CRACD: variants seen among roughly 807,000 people sequenced by gnomAD.
The protein encoded by CRACD is capping protein-inhibiting regulator of actin dynamics.
Under a neutral mutation model 106.8 loss-of-function variants are expected in CRACD, and 56 were observed. The observed-to-expected ratio is 0.52, with a 90% CI of 0.42 to 0.66. The LOEUF (loss-of-function observed/expected upper bound fraction) is 0.66, where lower values mean the gene tolerates loss of function less well. Ranked by LOEUF, CRACD falls within the 30% of genes least tolerant of loss-of-function variation. The pLI is 0.00. For missense variants in CRACD, 1,730 were observed against 1,623.2 expected, an observed-to-expected ratio of 1.07 and a Z score of -1.13; for synonymous variants, 754 against 670.8, an observed-to-expected ratio of 1.12 and a Z score of -1.92.
chr4:56,201,679 C>G (rs1577734963), intron 2 of CRACD, among the ~76,000 whole-genome samples: 1 of 152,208 alleles, frequency 6.6e-6, no homozygotes, highest in South Asian at 2.1e-4. Context: ...TCCATGGAAA[C>G]AGTTTTGAAA....
intron 1 of CRACD, among the ~76,000 whole-genome samples, chr4:56,049,551 G>T (rs1049602906): frequency 6.6e-6 from 1 of 152,126 alleles, no homozygotes; most frequent in East Asian, 1.9e-4. Flanking sequence ...GGAACCTGCC[G>T]CCGGGCTGCA....
At chr4:56,309,723 G>A (rs1002928232) in intron 5 of CRACD, among the ~76,000 whole-genome samples, 2 of 151,950 alleles carry the variant, frequency 1.3e-5, no homozygotes, top group Non-Finnish European at 2.9e-5. Flanking sequence ...ATGCGGTGGC[G>A]CATGCCTGTA....
chr4:56,208,941 C>T (rs1473295321), intron 2 of CRACD, among the ~76,000 whole-genome samples: 1 of 152,132 alleles, frequency 6.6e-6, no homozygotes, highest in African/African-American at 2.4e-5. Context: ...AATCTAAAGA[C>T]CTGAGAAAGA....
At chr4:56,192,947 G>T (rs886269748) in intron 2 of CRACD, among the ~76,000 whole-genome samples, 4 of 152,164 alleles carry the variant, frequency 2.6e-5, no homozygotes. Flanking sequence ...TTCCTCCATG[G>T]CAGGGACAGT....
At chr4:56,297,432 A>T (rs1382333462) in intron 3 of CRACD, among the ~76,000 whole-genome samples, 1 of 152,128 alleles carries the variant, frequency 6.6e-6, no homozygotes, top group Admixed American at 6.5e-5. Flanking sequence ...CCCTACAAAA[A>T]ATAATATAAA....
At chr4:56,200,100 CTT>C (rs1459123851) in intron 2 of CRACD, among the ~76,000 whole-genome samples, 2 of 150,656 alleles carry the variant, frequency 1.3e-5, no homozygotes, top group Non-Finnish European at 2.9e-5. Flanking sequence ...ACTGGCTTCT[CTT>C]TGAGCATCCT....
intron 1 of CRACD, among the ~76,000 whole-genome samples, chr4:56,144,779 C>A (rs554353416): frequency 6.6e-6 from 1 of 152,110 alleles, no homozygotes; most frequent in African/African-American, 2.4e-5. Context: ...CTCAGCCCCC[C>A]AGTAGCTGGG....
chr4:56,216,902 C>T (rs1738718122), intron 2 of CRACD, among the ~76,000 whole-genome samples: 1 of 149,466 alleles, frequency 6.7e-6, no homozygotes, highest in African/African-American at 2.5e-5. Flanking sequence ...ATGGCGTGAA[C>T]CCGGGAAGCG....
intron 1 of CRACD, among the ~76,000 whole-genome samples, chr4:56,096,519 C>G (rs987280305): frequency 6.6e-6 from 1 of 152,028 alleles, no homozygotes; most frequent in Non-Finnish European, 1.5e-5. Flanking sequence ...TCAAGACCAG[C>G]CTGGATGACA....
At chr4:56,119,979 A>AT (rs1339929219) in intron 1 of CRACD, among the ~76,000 whole-genome samples, 1 of 152,006 alleles carries the variant, frequency 6.6e-6, no homozygotes, top group Non-Finnish European at 1.5e-5. Flanking sequence ...TTAATCTACT[A>AT]TTTGCACTAC....
intron 1 of CRACD, among the ~76,000 whole-genome samples, chr4:56,084,834 G>T (rs1733160100): frequency 6.6e-6 from 1 of 152,144 alleles, no homozygotes; most frequent in South Asian, 2.1e-4. Context: ...TTACCATTTG[G>T]ATTTTCCTTG....
chr4:56,242,940 G>T (rs1353137965), intron 2 of CRACD, among the ~76,000 whole-genome samples: 40 of 152,208 alleles, frequency 2.6e-4, no homozygotes, highest in Non-Finnish European at 2.9e-5. Flanking sequence ...TTAGAGGGAT[G>T]CACCCCTAGA....
intron 4 of CRACD, chr4:56,301,229 A>G (rs774352159): frequency 4.0e-4 from 521 of 1,288,046 alleles, no homozygotes; most frequent in Non-Finnish European, 5.0e-4. Context: ...TTTTCAGTCG[A>G]CTAAGCAGTA....
intron 1 of CRACD, among the ~76,000 whole-genome samples, chr4:56,166,501 T>G (rs922883839): frequency 6.6e-6 from 1 of 151,816 alleles, no homozygotes; most frequent in Admixed American, 6.6e-5. Flanking sequence ...CCCAACATGG[T>G]GAAACCCCGT....
chr4:56,087,330 A>T (rs1048580071), intron 1 of CRACD, among the ~76,000 whole-genome samples: 2 of 152,100 alleles, frequency 1.3e-5, no homozygotes, highest in Non-Finnish European at 2.9e-5. Flanking sequence ...AGTACTAGTG[A>T]TTTGGCATTG....
In CRACD at chr4:56,315,468, C is replaced by A. The variant is rs533055150; in HGVS notation, c.1966C>A (p.Gln656Lys). The change falls in exon 8 of 11, where the codon CAG becomes AAG. Residue 656 changes from glutamine (Q) to lysine (K), a missense_variant. Gln to Lys is a moderately conservative substitution (Grantham distance 53, BLOSUM62 1). Coordinates refer to ENST00000682029, the MANE Select transcript of CRACD (RefSeq NM_001393381.1). The surrounding 1 kb of genome is among the most constrained non-coding windows in gnomAD (Gnocchi z 4.1). ...RAGSGKAKPR[Q>K]ESPSSASALA... ...GGGCAGCGGGAAGGCTAAGCCCCGC[C>A]AGGAGTCTCCCAGCAGCGCGTCCGC... 314 of 1,613,106 alleles carry A rather than the reference C, an allele frequency of 1.9e-4. 3 individuals carry two copies. In the East Asian group the frequency reaches 6.9e-3, roughly 36 times the overall value.
chr4:56,234,638 A>G (rs750510821), intron 2 of CRACD, among the ~76,000 whole-genome samples: 4 of 152,202 alleles, frequency 2.6e-5, no homozygotes, highest in Non-Finnish European at 5.9e-5. Flanking sequence ...TTAGAGAAGA[A>G]TGATTAAAGA....
chr4:56,071,866 G>C (rs987427628), intron 1 of CRACD, among the ~76,000 whole-genome samples: 2 of 151,474 alleles, frequency 1.3e-5, no homozygotes, highest in African/African-American at 4.8e-5. Context: ...GGTGGCTCAC[G>C]CCTGTAATCC....
chr4:56,091,520 G>A (rs1299946702), intron 1 of CRACD, among the ~76,000 whole-genome samples: 1 of 152,120 alleles, frequency 6.6e-6, no homozygotes, highest in East Asian at 1.9e-4. Flanking sequence ...AACTCATAGT[G>A]TAGCTGGAGT....
Sources: allele counts gnomAD v4.1 joint callset (sites outside exome capture counted in the v4.1 genomes callset), GRCh38; gene constraint gnomAD v4.1.1; non-coding constraint Gnocchi (gnomAD v3.1); transcripts MANE v1.5; gene names NCBI Gene and HGNC (gene_info 2026-07-23, HGNC 2026-07-21).